RGL1: variants seen among roughly 807,000 people sequenced by gnomAD.
RGL1 encodes the protein ral guanine nucleotide dissociation stimulator like 1, also known as ral guanine nucleotide dissociation stimulator-like 1.
RGL1 carries 24 observed loss-of-function variants against 95.2 expected under a neutral mutation model. That is an observed-to-expected ratio of 0.25 (90% confidence interval 0.18 to 0.35). The LOEUF is 0.35. Among genes scored for constraint, RGL1 ranks in the 10% least tolerant of loss-of-function variants. The probability of loss-of-function intolerance (pLI) is 1.00; values close to 1 mark genes in which losing one functional copy is unlikely to be tolerated. For synonymous variants in RGL1, 329 were observed against 344.9 expected (o/e 0.95, Z 0.51); for missense variants, 715 against 936.3 (o/e 0.76, Z 3.08).
intron 9 of RGL1, among the ~76,000 whole-genome samples, chr1:183,897,073 G>A (rs1180205394): frequency 6.6e-6 from 1 of 152,244 alleles, no homozygotes; most frequent in South Asian, 2.1e-4. Context: ...TTCAGGCCAA[G>A]ATCGAGAAAT....
intron 2 of RGL1, among the ~76,000 whole-genome samples, chr1:183,825,662 T>C (rs1662796497): frequency 6.6e-6 from 1 of 152,186 alleles, no homozygotes; most frequent in African/African-American, 2.4e-5. Context: ...GCATATCATA[T>C]CAATTCTGAA....
chr1:183,896,174 C>T (rs562608528), intron 9 of RGL1, among the ~76,000 whole-genome samples: 3 of 152,296 alleles, frequency 2.0e-5, no homozygotes, highest in South Asian at 2.1e-4. Flanking sequence ...TCAAGAATTT[C>T]GGAGGACTCA....
Position 183,926,268 on chromosome 1 carries a change from C to G in RGL1, c.2283C>G (p.Asn761Lys), listed in dbSNP as rs1005468136. ...CAGCTAAACGGGGCTGCTGGAGTAA[C>G]AGACACAGCAAAATCACCCTCTGAA... is the stretch of plus-strand genomic sequence containing the variant. Reference protein sequence around the residue: ...PRTAKRGCWSNRHSKITL With the variant: ...PRTAKRGCWSKRHSKITL The change falls in exon 18 of 18, where the codon AAC (asparagine) becomes AAG (lysine). Residue 761 changes from asparagine (N) to lysine (K), a missense_variant. By Grantham distance (94) the Asn-to-Lys change is moderately conservative. Around this residue, in one of 3 missense-constraint regions of RGL1, gnomAD observed 330 missense variants for 429.6 expected, o/e 0.77. Coordinates refer to ENST00000360851, the MANE Select transcript of RGL1 (RefSeq NM_001297671.3). 4.3e-6 allele frequency: 7 copies of G among 1,612,204 alleles called. No individual in the cohort carries two copies. In the African/African-American group the frequency reaches 6.7e-5, roughly 15 times the overall value.
chr1:183,920,287 G>A (rs780752037), intron 16 of RGL1, among the ~76,000 whole-genome samples: 23 of 152,026 alleles, frequency 1.5e-4, no homozygotes, highest in East Asian at 5.8e-4. Context: ...CACCTGCCTC[G>A]GCCTCCCAAA....
intron 2 of RGL1, chr1:183,754,520 A>C (rs556019831): frequency 2.0e-5 from 3 of 152,326 alleles, no homozygotes; most frequent in Middle Eastern, 3.4e-3. Flanking sequence ...TTAGGGACCA[A>C]GGCTACTTTC....
intron 1 of RGL1, among the ~76,000 whole-genome samples, chr1:183,673,185 C>T (rs1183286887): frequency 6.6e-6 from 1 of 152,182 alleles, no homozygotes; most frequent in African/African-American, 2.4e-5. Context: ...ACCTCACAGT[C>T]AAGATTGAGA....
At chr1:183,773,263 C>T (rs1372338291) in intron 2 of RGL1, among the ~76,000 whole-genome samples, 1 of 151,876 alleles carries the variant, frequency 6.6e-6, no homozygotes, top group Non-Finnish European at 1.5e-5. Flanking sequence ...CCTTTATGTA[C>T]ACTTATCACA....
At chr1:183,773,042 A>G (rs79982418) in intron 2 of RGL1, among the ~76,000 whole-genome samples, 1 of 141,564 alleles carries the variant, frequency 7.1e-6, no homozygotes, top group Non-Finnish European at 1.5e-5. Context: ...AAAAAAAAAA[A>G]AAAAAAATTT....
At chr1:183,871,970 G>C (rs758998898) in intron 4 of RGL1, among the ~76,000 whole-genome samples, 1 of 146,438 alleles carries the variant, frequency 6.8e-6, no homozygotes, top group Non-Finnish European at 1.5e-5. Flanking sequence ...CTGATGGTAG[G>C]GCTAGACTGA....
intron 1 of RGL1, among the ~76,000 whole-genome samples, chr1:183,671,872 G>C (rs954733132): frequency 8.6e-5 from 13 of 151,324 alleles, no homozygotes; most frequent in African/African-American, 3.2e-4. Context: ...CGGTCTAGTT[G>C]TTTCATTATA....
intron 2 of RGL1, among the ~76,000 whole-genome samples, chr1:183,780,355 C>T (rs919345036): frequency 2.6e-5 from 4 of 152,192 alleles, no homozygotes; most frequent in African/African-American, 9.7e-5. Flanking sequence ...AGTTAATTGG[C>T]CCTCAGGGTA....
In RGL1 at chr1:183,805,169, T is replaced by G. The variant is rs1661200076; in HGVS notation, c.-129T>G. ...GGCGGCGGGGGCAGCGCGGCGCGTG[T>G]CTGTGCGCTGCGGTCGCTCGGGACC... On this transcript the variant is annotated 5_prime_UTR_variant, in exon 1 of 18. Transcript: ENST00000360851. 3 of 1,276,646 alleles carry G rather than the reference T, an allele frequency of 2.3e-6. No individual in the cohort carries two copies. The allele number at this position is 1,276,646 out of a possible 1,614,324, so 79.1% of individuals were successfully genotyped here.
chr1:183,650,975 C>A (rs1040107932), intron 1 of RGL1, among the ~76,000 whole-genome samples: 2 of 151,888 alleles, frequency 1.3e-5, no homozygotes, highest in African/African-American at 4.8e-5. Context: ...CTATTTTTTG[C>A]GTGAAGTTTT....
chr1:183,764,173 A>G (rs1436772447), intron 2 of RGL1, among the ~76,000 whole-genome samples: 1 of 152,226 alleles, frequency 6.6e-6, no homozygotes, highest in African/African-American at 2.4e-5. Flanking sequence ...CTCACCACAC[A>G]GAAAGCCAAT....
chr1:183,727,002 T>C (rs1656347601), intron 1 of RGL1, among the ~76,000 whole-genome samples: 1 of 152,216 alleles, frequency 6.6e-6, no homozygotes, highest in African/African-American at 2.4e-5. Context: ...GAAATACTTT[T>C]ATTTTATATG....
At chr1:183,696,450 A>G (rs1654257160) in intron 1 of RGL1, among the ~76,000 whole-genome samples, 1 of 152,194 alleles carries the variant, frequency 6.6e-6, no homozygotes, top group Non-Finnish European at 1.5e-5. Flanking sequence ...TCCATCACAT[A>G]CAATGGGTGC....
intron 1 of RGL1, among the ~76,000 whole-genome samples, chr1:183,693,756 C>A (rs1654099090): frequency 6.6e-6 from 1 of 152,022 alleles, no homozygotes; most frequent in African/African-American, 2.4e-5. Context: ...TACCTGTAGG[C>A]CTTCCTGTTT....
intron 2 of RGL1, among the ~76,000 whole-genome samples, chr1:183,789,825 T>C (rs1660357830): frequency 6.6e-6 from 1 of 151,986 alleles, no homozygotes; most frequent in African/African-American, 2.4e-5. Flanking sequence ...TTCTTTAGGA[T>C]ATTAGGTTGG....
At chr1:183,694,205 G>C (rs952188214) in intron 1 of RGL1, among the ~76,000 whole-genome samples, 2 of 152,154 alleles carry the variant, frequency 1.3e-5, no homozygotes, top group African/African-American at 4.8e-5. Flanking sequence ...ATTTCCAAGA[G>C]GACTGGCTGC....
Sources: allele counts gnomAD v4.1 joint callset (sites outside exome capture counted in the v4.1 genomes callset), GRCh38; gene constraint gnomAD v4.1.1; regional missense constraint gnomAD v4.1.1; transcripts MANE v1.5; gene names NCBI Gene and HGNC (gene_info 2026-07-23, HGNC 2026-07-21).